Variants in XYLT1 observed in about 807,000 individuals in gnomAD.
The protein encoded by XYLT1 is xylosyltransferase 1.
In XYLT1, 36 loss-of-function variants were observed where a neutral mutation model predicts 91.3. That is an observed-to-expected ratio of 0.39 (90% CI 0.30 to 0.52). The LOEUF (loss-of-function observed/expected upper bound fraction) is 0.52, where lower values mean the gene tolerates loss of function less well. Among genes scored for constraint, XYLT1 ranks in the 20% least tolerant of loss-of-function variants. The pLI is 0.68. For synonymous variants in XYLT1, 588 were observed against 532.0 expected, an observed-to-expected ratio of 1.11 and a Z score of -1.45; for missense variants, 1,242 against 1,284.5, an observed-to-expected ratio of 0.97 and a Z score of 0.51.
chr16:17,299,615 T>C (rs1022839818), intron 2 of XYLT1, among the ~76,000 whole-genome samples: 2 of 152,144 alleles, frequency 1.3e-5, no homozygotes, highest in African/African-American at 4.8e-5. Context: ...ATGTGGGAGT[T>C]GATTTAGCCT....
chr16:17,198,537 T>C, intron 4 of XYLT1, 123 bp from the exon 5 acceptor site: 1 of 884,460 alleles, frequency 1.1e-6, no homozygotes. Flanking sequence ...CACAGTGGCC[T>C]TTGCCAAGTA....
chr16:17,387,087 AG>A (rs2035756795), intron 1 of XYLT1, among the ~76,000 whole-genome samples: 1 of 152,204 alleles, frequency 6.6e-6, no homozygotes, highest in African/African-American at 2.4e-5. Context: ...ATCAAGGTCT[AG>A]GGTGTGCCCA....
chr16:17,324,510 A>T (rs2034770575), intron 2 of XYLT1, among the ~76,000 whole-genome samples: 1 of 152,254 alleles, frequency 6.6e-6, no homozygotes, highest in Non-Finnish European at 1.5e-5. Flanking sequence ...AAAAAGAAGC[A>T]TTAAAAATAA....
At chr16:17,428,718 G>T (rs540555858) in intron 1 of XYLT1, among the ~76,000 whole-genome samples, 2 of 152,178 alleles carry the variant, frequency 1.3e-5, no homozygotes, top group Non-Finnish European at 2.9e-5. Context: ...GCTTTCGGCC[G>T]TGTGGTAGTT....
chr16:17,327,124 G>A (rs989195216), intron 2 of XYLT1, among the ~76,000 whole-genome samples: 2 of 152,158 alleles, frequency 1.3e-5, no homozygotes, highest in Non-Finnish European at 2.9e-5. Context: ...TTTGTGTAAT[G>A]TCATCATCAC....
intron 2 of XYLT1, among the ~76,000 whole-genome samples, chr16:17,339,668 A>AG (rs1207815110): frequency 6.6e-6 from 1 of 152,184 alleles, no homozygotes; most frequent in Non-Finnish European, 1.5e-5. Context: ...TACAACACAG[A>AG]GAAGGTGACA....
chr16:17,440,707 T>C (rs775822628), intron 1 of XYLT1, among the ~76,000 whole-genome samples: 1 of 152,228 alleles, frequency 6.6e-6, no homozygotes, highest in African/African-American at 2.4e-5. Context: ...ATTAGCATGG[T>C]TTATGGTTGC....
At chr16:17,210,456 A>T (rs2032736171) in intron 3 of XYLT1, among the ~76,000 whole-genome samples, 1 of 152,224 alleles carries the variant, frequency 6.6e-6, no homozygotes, top group Non-Finnish European at 1.5e-5. Context: ...GCACGCCTAT[A>T]ATCCCAGCTA....
intron 1 of XYLT1, among the ~76,000 whole-genome samples, chr16:17,431,264 G>T (rs950899083): frequency 6.6e-6 from 1 of 152,170 alleles, no homozygotes; most frequent in Non-Finnish European, 1.5e-5. Flanking sequence ...CTATGGCTTA[G>T]AGCGGCGCTT....
chr16:17,423,490 CT>C (rs1435979642), intron 1 of XYLT1, among the ~76,000 whole-genome samples: 2 of 152,220 alleles, frequency 1.3e-5, no homozygotes, highest in Non-Finnish European at 2.9e-5. Flanking sequence ...GAGGGGCCCC[CT>C]GTCATCCTTG....
chr16:17,179,964 T>A (rs1475350291), intron 5 of XYLT1, among the ~76,000 whole-genome samples: 1 of 152,196 alleles, frequency 6.6e-6, no homozygotes, highest in Admixed American at 6.5e-5. Context: ...GTTAAGGACA[T>A]GGGTGGGTTT....
chr16:17,113,226 C>T (rs1185263888), intron 11 of XYLT1, among the ~76,000 whole-genome samples: 1 of 151,878 alleles, frequency 6.6e-6, no homozygotes, highest in Non-Finnish European at 1.5e-5. Context: ...ACTGCAACCT[C>T]CACCTCCCAG....
At chr16:17,252,452 C>T (rs943151365) in intron 3 of XYLT1, among the ~76,000 whole-genome samples, 12 of 152,146 alleles carry the variant, frequency 7.9e-5, no homozygotes, top group African/African-American at 2.2e-4. Flanking sequence ...ACAAATTTCT[C>T]GGAGGCCATC....
At chr16:17,431,279 A>G (rs1199004256) in intron 1 of XYLT1, among the ~76,000 whole-genome samples, 1 of 152,140 alleles carries the variant, frequency 6.6e-6, no homozygotes, top group Non-Finnish European at 1.5e-5. Context: ...GCGCTTCTCA[A>G]ACTTCACGTG....
chr16:17,234,103 T>C (rs2033209382), intron 3 of XYLT1, among the ~76,000 whole-genome samples: 1 of 152,210 alleles, frequency 6.6e-6, no homozygotes, highest in Non-Finnish European at 1.5e-5. Context: ...TTCTCATAAC[T>C]GGTACCTGTG....
chr16:17,107,467 A>C lies in XYLT1; in HGVS notation c.*1228T>G, dbSNP rs928096882. 6.6e-6 allele frequency: 1 copy of C among 152,602 alleles called. No homozygotes were observed. Among genetic ancestry groups the C allele is most frequent in the Admixed American group, 6.5e-5 (1 of 15,288 alleles). The allele number at this position is 152,602 out of a possible 1,614,324, so 9.5% of individuals were successfully genotyped here. ...TTTCTGGTAACTCAACACTTAAATCATACTGTTTTTTGTTGTTTAAATAAC... is the reference window on the plus strand; with the variant it reads ...TTTCTGGTAACTCAACACTTAAATCCTACTGTTTTTTGTTGTTTAAATAAC... On this transcript the variant is annotated 3_prime_UTR_variant, in exon 12 of 12. Coordinates refer to ENST00000261381, the MANE Select transcript of XYLT1 (RefSeq NM_022166.4).
chr16:17,357,101 C>G (rs576376185), intron 2 of XYLT1, among the ~76,000 whole-genome samples: 1 of 132,938 alleles, frequency 7.5e-6, no homozygotes, highest in East Asian at 2.4e-4. Context: ...GGCGTGAACC[C>G]GGGAGGCAGA....
intron 2 of XYLT1, among the ~76,000 whole-genome samples, chr16:17,293,060 A>T (rs2034254831): frequency 1.3e-5 from 2 of 152,186 alleles, no homozygotes; most frequent in Non-Finnish European, 2.9e-5. Flanking sequence ...TGCAGCTACA[A>T]GCAAAGAGAG....
intron 1 of XYLT1, among the ~76,000 whole-genome samples, chr16:17,444,482 C>T (rs1421386185): frequency 6.6e-6 from 1 of 151,330 alleles, no homozygotes; most frequent in Non-Finnish European, 1.5e-5. Flanking sequence ...ACTACAGACA[C>T]ATGCCACCAT....
Sources: allele counts gnomAD v4.1 joint callset (sites outside exome capture counted in the v4.1 genomes callset), GRCh38; gene constraint gnomAD v4.1.1; transcripts MANE v1.5; gene names NCBI Gene and HGNC (gene_info 2026-07-23, HGNC 2026-07-21).